The following SH3BGRL2 variants were observed in gnomAD, a reference collection of about 807,000 sequenced individuals.
SH3BGRL2 encodes the protein SH3 domain binding glutamate rich protein like 2.
In SH3BGRL2, 21 loss-of-function variants were observed where a neutral mutation model predicts 14.8. The observed-to-expected ratio is 1.42, with a 90% CI of 1.01 to 2.05. The LOEUF (loss-of-function observed/expected upper bound fraction) is 2.05. Among genes scored for constraint, SH3BGRL2 ranks in the 30% most tolerant of loss-of-function variants. SH3BGRL2 has a pLI of 0.00. For synonymous variants in SH3BGRL2, 50 were observed against 47.8 expected, an observed-to-expected ratio of 1.05 and a Z score of -0.19; for missense variants, 147 against 130.8, an observed-to-expected ratio of 1.12 and a Z score of -0.61.
chr6:79,618,742 A>G, the SH3BGRL2 span, among the ~76,000 whole-genome samples: 1 of 151,768 alleles, frequency 6.6e-6, no homozygotes, highest in Non-Finnish European at 1.5e-5. Flanking sequence ...AACATGGAGA[A>G]ACCCTGTCTC....
intron 1 of SH3BGRL2, among the ~76,000 whole-genome samples, chr6:79,654,560 G>A (rs576919421): frequency 2.6e-4 from 40 of 152,238 alleles, no homozygotes; most frequent in African/African-American, 8.7e-4. Flanking sequence ...TCACGATTTT[G>A]TTGGGTTTGC....
the SH3BGRL2 span, among the ~76,000 whole-genome samples, chr6:79,546,725 G>A: frequency 1.3e-5 from 2 of 149,746 alleles, no homozygotes. Flanking sequence ...TCGAGATGAA[G>A]TCTTCTTCTG....
chr6:79,596,444 T>C, the SH3BGRL2 span, among the ~76,000 whole-genome samples: 2 of 152,018 alleles, frequency 1.3e-5, no homozygotes, highest in Non-Finnish European at 2.9e-5. Context: ...TACAGGCATG[T>C]GCCACTATGC....
At chr6:79,610,286 C>G in the SH3BGRL2 span, among the ~76,000 whole-genome samples, 1 of 152,190 alleles carries the variant, frequency 6.6e-6, no homozygotes, top group Non-Finnish European at 1.5e-5. Flanking sequence ...TTTTCTCAGT[C>G]ATACTTTTCT....
chr6:79,607,593 A>G, the SH3BGRL2 span, among the ~76,000 whole-genome samples: 167 of 152,224 alleles, frequency 1.1e-3, no homozygotes, highest in African/African-American at 3.6e-3. Context: ...CTGCAGATGC[A>G]CTGCCCCTGT....
intron 2 of SH3BGRL2, among the ~76,000 whole-genome samples, chr6:79,674,193 T>C (rs1408328270): frequency 6.6e-6 from 1 of 152,186 alleles, no homozygotes; most frequent in Non-Finnish European, 1.5e-5. Flanking sequence ...TTTTGATTAA[T>C]ACATTTTAGG....
chr6:79,627,084 G>C (rs565923954), upstream of SH3BGRL2, among the ~76,000 whole-genome samples: 1 of 151,916 alleles, frequency 6.6e-6, no homozygotes, highest in African/African-American at 2.4e-5. Context: ...CTATTTCCCC[G>C]GGCCACAGAC....
chr6:79,661,132 C>T (rs1769538213), intron 1 of SH3BGRL2, among the ~76,000 whole-genome samples: 1 of 152,084 alleles, frequency 6.6e-6, no homozygotes, highest in Non-Finnish European at 1.5e-5. Flanking sequence ...CTATCTCCTT[C>T]AGTTCTTCTC....
At chr6:79,692,837 C>G (rs895361121) in intron 2 of SH3BGRL2, among the ~76,000 whole-genome samples, 5 of 151,410 alleles carry the variant, frequency 3.3e-5, no homozygotes, top group Non-Finnish European at 2.9e-5. Flanking sequence ...CTTGGCGATG[C>G]GGGCTCTTTT....
intron 2 of SH3BGRL2, 55 bp downstream of exon 2, chr6:79,673,854 C>A: frequency 1.3e-6 from 2 of 1,549,772 alleles, no homozygotes; most frequent in South Asian, 2.4e-5. Context: ...GAACACATGC[C>A]ACCTAGAGTG....
At chr6:79,540,112 C>T in the SH3BGRL2 span, among the ~76,000 whole-genome samples, 4 of 151,930 alleles carry the variant, frequency 2.6e-5, no homozygotes, top group African/African-American at 4.8e-5. Flanking sequence ...TAAGAGAAAT[C>T]GAATGGATTG....
the SH3BGRL2 span, among the ~76,000 whole-genome samples, chr6:79,625,176 TA>T: frequency 9.5e-5 from 14 of 147,024 alleles, no homozygotes; most frequent in African/African-American, 2.6e-4. Context: ...GTGTCTCTAT[TA>T]AAAAAAATAT....
At chr6:79,611,609 G>T in the SH3BGRL2 span, among the ~76,000 whole-genome samples, 3 of 151,864 alleles carry the variant, frequency 2.0e-5, no homozygotes, top group Non-Finnish European at 4.4e-5. Context: ...GCGGGGTTTC[G>T]CCATGTTGGC....
the SH3BGRL2 span, among the ~76,000 whole-genome samples, chr6:79,619,459 T>C: frequency 1.3e-5 from 2 of 152,238 alleles, no homozygotes; most frequent in African/African-American, 4.8e-5. Flanking sequence ...TGCTATTTAG[T>C]CTCAAAACAA....
At chr6:79,641,396 G>A (rs1294930662) in intron 1 of SH3BGRL2, among the ~76,000 whole-genome samples, 3 of 152,090 alleles carry the variant, frequency 2.0e-5, no homozygotes, top group Admixed American at 2.0e-4. Context: ...TTGAGTATGC[G>A]CTGATTTCTT....
chr6:79,676,272 G>A (rs570191455), intron 2 of SH3BGRL2, among the ~76,000 whole-genome samples: 14 of 152,116 alleles, frequency 9.2e-5, no homozygotes, highest in African/African-American at 3.4e-4. Context: ...TTGCATCCCT[G>A]AGGCCATGTT....
At chr6:79,651,669 G>C (rs1769299089) in intron 1 of SH3BGRL2, among the ~76,000 whole-genome samples, 1 of 152,196 alleles carries the variant, frequency 6.6e-6, no homozygotes, top group Non-Finnish European at 1.5e-5. Context: ...CCATGGGGGT[G>C]CAGATGTGAT....
the SH3BGRL2 span, among the ~76,000 whole-genome samples, chr6:79,553,917 G>A: frequency 1.3e-5 from 2 of 151,322 alleles, no homozygotes; most frequent in East Asian, 3.9e-4. Context: ...GCAGTGAGCC[G>A]AGATTGTGCC....
the SH3BGRL2 span, among the ~76,000 whole-genome samples, chr6:79,616,600 AG>A: frequency 0.32 from 48,080 of 152,028 alleles, 7,924 homozygotes; most frequent in Middle Eastern, 0.47. Flanking sequence ...GAGGTAACAC[AG>A]ACAGGCTCCG....
Sources: gnomAD v4.1 joint callset for allele counts (sites outside exome capture counted in the v4.1 genomes callset) on GRCh38, gnomAD v4.1.1 for gene constraint, MANE v1.5 for transcripts, NCBI Gene and HGNC (gene_info 2026-07-23, HGNC 2026-07-21) for gene names.